The following ARHGAP35 variants were observed in gnomAD, a reference collection of about 807,000 sequenced individuals.
ARHGAP35 encodes the protein Rho GTPase activating protein 35.
A neutral mutation model predicts 111.1 loss-of-function variants in ARHGAP35; 15 were observed. The ratio of observed to expected loss-of-function variants is 0.13; its 90% CI spans 0.09 to 0.21. The LOEUF (loss-of-function observed/expected upper bound fraction) is 0.21, where lower values mean the gene tolerates loss of function less well. Among genes scored for constraint, ARHGAP35 ranks in the 10% least tolerant of loss-of-function variants. The pLI is 1.00. For synonymous variants in ARHGAP35, 643 were observed against 710.3 expected, an observed-to-expected ratio of 0.91 and a Z score of 1.51; for missense variants, 1,262 against 1,873.0, an observed-to-expected ratio of 0.67 and a Z score of 6.02.
At position 46,989,341 on chromosome 19, in the gene ARHGAP35, C is replaced by T. The variant is rs1340020493; in HGVS notation, c.3905-203C>T. The stretch of plus-strand genomic sequence containing the variant: ...GGTAGAAGGGGCAGTTCAGCAGTCT[C>T]GGAAAGAGGTGCTGGGGCCAGCCCA... On this transcript the variant is annotated intron_variant, in intron 4 of 6. Coordinates refer to ENST00000672722, the MANE Select transcript of ARHGAP35 (RefSeq NM_004491.5). The surrounding 1 kb of genome is among the most constrained non-coding windows in gnomAD (Gnocchi z 5.3). 1 of 579,800 alleles carries T rather than the reference C, an allele frequency of 1.7e-6. No individual in the cohort carries two copies. The highest frequency in any genetic ancestry group is 3.2e-5 in the East Asian group (1 of 30,956). The allele number at this position is 579,800 out of a possible 1,614,324, so 35.9% of individuals were successfully genotyped here.
intron 3 of ARHGAP35, chr19:46,947,140 C>T (rs1212242369): frequency 1.3e-5 from 2 of 152,210 alleles, no homozygotes; most frequent in African/African-American, 2.4e-5. Flanking sequence ...GCTTAATTCA[C>T]TTACCATCTT....
chr19:46,923,820 C>T (rs989394573), intron 2 of ARHGAP35, among the ~76,000 whole-genome samples: 3 of 151,432 alleles, frequency 2.0e-5, no homozygotes, highest in Admixed American at 6.6e-5. Context: ...ACTCAGGAGG[C>T]TGAGGCAGGA....
At chr19:46,892,325 A>G (rs2056029199) in intron 1 of ARHGAP35, among the ~76,000 whole-genome samples, 1 of 150,290 alleles carries the variant, frequency 6.7e-6, no homozygotes, top group Non-Finnish European at 1.5e-5. Flanking sequence ...AAGAAAAAAA[A>G]AAAGCCAGGT....
intron 1 of ARHGAP35, among the ~76,000 whole-genome samples, chr19:46,902,393 C>T (rs1458207252): frequency 6.6e-6 from 1 of 152,098 alleles, no homozygotes; most frequent in Non-Finnish European, 1.5e-5. Flanking sequence ...TTTGTGACTC[C>T]AGACAACACT....
intron 1 of ARHGAP35, among the ~76,000 whole-genome samples, chr19:46,897,675 T>A (rs1318631505): frequency 6.8e-6 from 1 of 146,686 alleles, no homozygotes; most frequent in African/African-American, 2.5e-5. Flanking sequence ...GTAATGGGAT[T>A]TTCAGGCTAG....
intron 1 of ARHGAP35, among the ~76,000 whole-genome samples, chr19:46,886,974 T>C (rs1814412224): frequency 1.3e-5 from 2 of 152,304 alleles, no homozygotes; most frequent in South Asian, 4.1e-4. Flanking sequence ...AGCAGAAACA[T>C]GTCTGCTTGA....
chr19:46,863,657 C>T (rs1466831061), intron 1 of ARHGAP35, among the ~76,000 whole-genome samples: 2 of 149,818 alleles, frequency 1.3e-5, no homozygotes, highest in African/African-American at 4.9e-5. Context: ...TTCCCCCCCG[C>T]CTTCGCCCCT....
intron 2 of ARHGAP35, among the ~76,000 whole-genome samples, chr19:46,928,825 G>A (rs1599826073): frequency 1.3e-5 from 2 of 151,906 alleles, no homozygotes; most frequent in Admixed American, 1.3e-4. Flanking sequence ...CCAGCTACTC[G>A]GGAGGCTGAG....
chr19:46,875,044 T>TCA (rs2055910409), intron 1 of ARHGAP35, among the ~76,000 whole-genome samples: 1 of 151,956 alleles, frequency 6.6e-6, no homozygotes, highest in East Asian at 1.9e-4. Flanking sequence ...ACTCCTGACC[T>TCA]TGTGATCTGC....
intron 3 of ARHGAP35, among the ~76,000 whole-genome samples, chr19:46,946,288 G>T (rs1307861669): frequency 6.6e-6 from 1 of 152,252 alleles, no homozygotes; most frequent in Non-Finnish European, 1.5e-5. Flanking sequence ...GTGGTAGGAA[G>T]CTAGCCCTTG....
chr19:46,922,246 G>A lies in ARHGAP35; in HGVS notation c.3571G>A (p.Glu1191Lys). The A allele has an allele frequency of 6.2e-7, 1 of 1,614,022 alleles. No individual in the cohort carries two copies. The highest frequency in any genetic ancestry group is 8.5e-7 in the Non-Finnish European group (1 of 1,179,900). ...GCTGGGGCCCATCCGGAAGAAAGAG[G>A]AGGATCAGGCATCCCAGGGTTATAA... is the stretch of plus-strand genomic sequence containing the variant. ...DELGPIRKKE[E>K]DQASQGYKGD... is the part of the protein sequence containing the mutation. Residue 1191 changes from glutamate to lysine, a missense_variant, in exon 2 of 7, where the codon GAG (glutamate) becomes AAG (lysine). Glu to Lys is a moderately conservative substitution (Grantham distance 56, BLOSUM62 1). Around this residue, in one of 8 missense-constraint regions of ARHGAP35, gnomAD observed 579 missense variants for 716.9 expected, o/e 0.81. Transcript: ENST00000672722. This position sits in a 1 kb window ranked among gnomAD's most constrained non-coding sequence, Gnocchi z 4.0.
intron 3 of ARHGAP35, among the ~76,000 whole-genome samples, chr19:46,961,886 C>A (rs1465022180): frequency 6.6e-6 from 1 of 151,874 alleles, no homozygotes; most frequent in African/African-American, 2.4e-5. Flanking sequence ...GCCGAGATTG[C>A]GCCACTGCCC....
intron 3 of ARHGAP35, among the ~76,000 whole-genome samples, chr19:46,952,051 C>T (rs1036496067): frequency 1.5e-4 from 23 of 152,098 alleles, no homozygotes; most frequent in Non-Finnish European, 3.1e-4. Flanking sequence ...TTGTATATTT[C>T]AAAATAACTG....
Position 46,992,569 on chromosome 19 carries a change from G to A in ARHGAP35, c.4036+2894G>A, listed in dbSNP as rs945649930. Among the ~76,000 whole-genome samples the A allele has an allele frequency of 1.7e-4, 26 of 151,700 alleles. No homozygotes were observed. The highest frequency in any genetic ancestry group is 1.0e-3 in the South Asian group (5 of 4,792). On this transcript the variant is annotated intron_variant, in intron 5 of 6. Transcript: ENST00000672722. This position sits in a 1 kb window ranked among gnomAD's most constrained non-coding sequence, Gnocchi z 4.4. ...CCCTCCTCCCTGCCTATCTGGAGTC[G>A]ACCCCGTCCAGCTGGTGTCCACAGG...
intron 1 of ARHGAP35, among the ~76,000 whole-genome samples, chr19:46,890,181 T>C (rs1205645223): frequency 6.6e-6 from 1 of 152,234 alleles, no homozygotes; most frequent in Non-Finnish European, 1.5e-5. Context: ...ACCTGCCTTT[T>C]ATTTTTCCCT....
In ARHGAP35 at chr19:46,958,433, T is replaced by A. The variant is rs571868749; in HGVS notation, c.3826+21025T>A. Among the ~76,000 whole-genome samples the A allele has an allele frequency of 1.1e-3, 171 of 152,312 alleles. 2 individuals carry two copies. Among genetic ancestry groups the A allele is most frequent in the Admixed American group, 8.5e-4 (13 of 15,300 alleles). ...GGTTTAGTGTGTGCCAGATCCTTTT[T>A]AAATTATTTCTCTTTGAAGATTCCT... On this transcript the variant is annotated intron_variant, in intron 3 of 6. Transcript: ENST00000672722.
intron 1 of ARHGAP35, among the ~76,000 whole-genome samples, chr19:46,868,408 AAT>A (rs1295375260): frequency 1.3e-5 from 2 of 152,230 alleles, no homozygotes; most frequent in Non-Finnish European, 2.9e-5. Context: ...GTAAATGTTG[AAT>A]AGACTATTCT....
chr19:46,955,490 A>G (rs1268913862), intron 3 of ARHGAP35, among the ~76,000 whole-genome samples: 1 of 152,208 alleles, frequency 6.6e-6, no homozygotes, highest in Non-Finnish European at 1.5e-5. Flanking sequence ...GGCAGCAGCT[A>G]TGTCAGACCA....
chr19:46,993,252 C>T lies in ARHGAP35; in HGVS notation c.4036+3577C>T, dbSNP rs533837141. On this transcript the variant is annotated intron_variant, in intron 5 of 6. Transcript: ENST00000672722. The surrounding 1 kb of genome is among the most constrained non-coding windows in gnomAD (Gnocchi z 4.6). ...GCGGGGAGAGCCGACGCCGGACGAG[C>T]CTGCGTGATCACTGAAGGGCTGTGA... 6.6e-6 allele frequency among the ~76,000 whole-genome samples: 1 copy of T among 152,366 alleles called. No homozygotes were observed. The highest frequency in any genetic ancestry group is 2.4e-5 in the African/African-American group (1 of 41,590).
Sources: gnomAD v4.1 joint callset for allele counts (sites outside exome capture counted in the v4.1 genomes callset) on GRCh38, gnomAD v4.1.1 for gene constraint, gnomAD v4.1.1 regional missense constraint, Gnocchi (gnomAD v3.1) non-coding constraint, MANE v1.5 for transcripts, NCBI Gene and HGNC (gene_info 2026-07-23, HGNC 2026-07-21) for gene names.